RBM19: variants seen among roughly 807,000 people sequenced by gnomAD.
RBM19 encodes the protein RNA binding motif protein 19.
RBM19 carries 94 observed loss-of-function variants against 116.8 expected under a neutral mutation model. The ratio of observed to expected loss-of-function variants is 0.80; its 90% CI spans 0.68 to 0.95. The LOEUF (loss-of-function observed/expected upper bound fraction) is 0.95. Among genes scored for constraint, RBM19 ranks in the 40% least tolerant of loss-of-function variants. The probability of loss-of-function intolerance (pLI) is 0.00; values close to 1 mark genes in which losing one functional copy is unlikely to be tolerated. For missense variants in RBM19, 1,161 were observed against 1,220.7 expected (o/e 0.95, Z 0.73); for synonymous variants, 475 against 494.1 (o/e 0.96, Z 0.51).
chr12:113,910,675 C>A (rs1195933637), intron 21 of RBM19, among the ~76,000 whole-genome samples: 1 of 152,238 alleles, frequency 6.6e-6, no homozygotes, highest in African/African-American at 2.4e-5. Context: ...TAACAACAGT[C>A]TTACCATGTT....
intron 21 of RBM19, among the ~76,000 whole-genome samples, chr12:113,863,657 G>A (rs1331750147): frequency 6.6e-6 from 1 of 152,130 alleles, no homozygotes; most frequent in Non-Finnish European, 1.5e-5. Context: ...GGAGTTTGCT[G>A]GCATAACTTC....
chr12:113,910,252 A>G (rs1013534059), intron 21 of RBM19, among the ~76,000 whole-genome samples: 1 of 152,136 alleles, frequency 6.6e-6, no homozygotes, highest in Non-Finnish European at 1.5e-5. Flanking sequence ...CCGCCTGGGC[A>G]GGGAGGCAGG....
At chr12:113,841,479 A>G (rs1490722672) in intron 23 of RBM19, among the ~76,000 whole-genome samples, 2 of 140,360 alleles carry the variant, frequency 1.4e-5, no homozygotes, top group African/African-American at 5.4e-5. Context: ...GCTGGAGTGC[A>G]GTGGTGTGAT....
chr12:113,820,219 A>C (rs1874322321), downstream of RBM19, among the ~76,000 whole-genome samples: 1 of 148,644 alleles, frequency 6.7e-6, no homozygotes, highest in African/African-American at 2.5e-5. Flanking sequence ...CATAAAATAC[A>C]ATAACACTAG....
intron 21 of RBM19, among the ~76,000 whole-genome samples, chr12:113,908,955 T>TG (rs1337741434): frequency 6.6e-6 from 1 of 152,112 alleles, no homozygotes; most frequent in African/African-American, 2.4e-5. Context: ...ATTCGGGGGT[T>TG]GGGGGTCAGT....
intron 17 of RBM19, among the ~76,000 whole-genome samples, chr12:113,926,514 G>T (rs969403053): frequency 3.9e-5 from 6 of 152,134 alleles, no homozygotes; most frequent in Non-Finnish European, 8.8e-5. Context: ...CCTGATCGCT[G>T]GTCCACTTCC....
chr12:113,845,933 C>T (rs954828384), intron 22 of RBM19, among the ~76,000 whole-genome samples: 1 of 152,202 alleles, frequency 6.6e-6, no homozygotes, highest in African/African-American at 2.4e-5. Context: ...TTTCCTTATC[C>T]ATAAAACGGG....
intron 9 of RBM19, 152 bp from the exon 10 acceptor site, chr12:113,949,188 C>T (rs548974976): frequency 3.8e-5 from 27 of 712,466 alleles, no homozygotes; most frequent in Non-Finnish European, 6.1e-5. Flanking sequence ...TCACCTGAGG[C>T]GGCAGCATAA....
Position 113,903,154 on chromosome 12 carries a change from G to A in RBM19, c.2558+11815C>T, listed in dbSNP as rs1344676873. Among the ~76,000 whole-genome samples the A allele has an allele frequency of 1.3e-5, 2 of 152,160 alleles. No homozygotes were observed. The highest frequency in any genetic ancestry group is 4.8e-5 in the African/African-American group (2 of 41,432). ...CGGTATCCACAGGGGATGGGTTCCAGGACCCTCATGGGTACCAAAATCCAA... is the reference window on the plus strand; with the variant it reads ...CGGTATCCACAGGGGATGGGTTCCAAGACCCTCATGGGTACCAAAATCCAA... On this transcript the variant is annotated intron_variant, in intron 21 of 23. Transcript: ENST00000261741. The surrounding 1 kb of genome is among the most constrained non-coding windows in gnomAD (Gnocchi z 5.1).
At chr12:113,841,191 G>A (rs1284139005) in intron 23 of RBM19, among the ~76,000 whole-genome samples, 1 of 152,166 alleles carries the variant, frequency 6.6e-6, no homozygotes, top group Admixed American at 6.5e-5. Flanking sequence ...TGTACAATGG[G>A]GACAATGAAA....
intron 23 of RBM19, 135 bp downstream of exon 23, chr12:113,844,533 G>A: frequency 8.1e-7 from 1 of 1,238,720 alleles, no homozygotes; most frequent in Non-Finnish European, 1.1e-6. Context: ...GTGGGAGGAT[G>A]CCCAGCAGGA....
In RBM19 at chr12:113,884,112, C is replaced by CAAAAAAAAAAAA. The variant is rs1273858250; in HGVS notation, c.2559-25228_2559-25217dup. On this transcript the variant is annotated intron_variant, in intron 21 of 23. Coordinates refer to ENST00000261741, the MANE Select transcript of RBM19 (RefSeq NM_016196.4). Reference sequence around the variant, plus strand: ...CAACATAGGGATACTCCATCTCTACCAAAAAAAAAAAAAAACAAAAAACTC... The same window carrying CAAAAAAAAAAAA: ...CAACATAGGGATACTCCATCTCTACCAAAAAAAAAAAAAAAAAAAAAAAAAAACAAAAAACTC... Among the ~76,000 whole-genome samples, 10 of 72,018 alleles carry CAAAAAAAAAAAA rather than the reference C, an allele frequency of 1.4e-4. No individual in the cohort carries two copies. In the East Asian group the frequency reaches 2.0e-3, roughly 15 times the overall value. 47.2% of individuals were successfully genotyped at this position (72,018 alleles called of 152,430 possible).
intron 21 of RBM19, among the ~76,000 whole-genome samples, chr12:113,885,335 A>T (rs890589856): frequency 6.6e-6 from 1 of 152,236 alleles, no homozygotes; most frequent in Non-Finnish European, 1.5e-5. Context: ...GGGAACTTCT[A>T]CAAGGCAACT....
chr12:113,905,925 A>G (rs539510584), intron 21 of RBM19, among the ~76,000 whole-genome samples: 1 of 152,218 alleles, frequency 6.6e-6, no homozygotes, highest in Non-Finnish European at 1.5e-5. Flanking sequence ...CACTGTAGCC[A>G]TTATCCACCT....
chr12:113,953,010 T>A (rs956613288), intron 7 of RBM19, among the ~76,000 whole-genome samples: 1 of 152,240 alleles, frequency 6.6e-6, no homozygotes, highest in Non-Finnish European at 1.5e-5. Context: ...ATTTTCTGAA[T>A]GGTTGATACT....
intron 21 of RBM19, among the ~76,000 whole-genome samples, chr12:113,884,295 G>GTA (rs1491140479): frequency 7.8e-5 from 7 of 89,276 alleles, no homozygotes; most frequent in Non-Finnish European, 8.3e-5. Flanking sequence ...AAAAAAAAAA[G>GTA]TATACACACA....
chr12:113,860,629 C>T (rs1177906202), intron 21 of RBM19, among the ~76,000 whole-genome samples: 1 of 152,216 alleles, frequency 6.6e-6, no homozygotes, highest in African/African-American at 2.4e-5. Context: ...ACTGGGTGAG[C>T]TGGTTCCTCT....
At chr12:113,910,827 C>T (rs1431027102) in intron 21 of RBM19, among the ~76,000 whole-genome samples, 2 of 152,182 alleles carry the variant, frequency 1.3e-5, no homozygotes, top group East Asian at 3.8e-4. Context: ...AAATAAGACC[C>T]TCTCCACCAA....
chr12:113,865,216 G>A (rs531743567), intron 21 of RBM19, among the ~76,000 whole-genome samples: 1 of 152,186 alleles, frequency 6.6e-6, no homozygotes, highest in African/African-American at 2.4e-5. Flanking sequence ...CCCACCAAAC[G>A]TATGCTTACC....
Sources: allele counts gnomAD v4.1 joint callset (sites outside exome capture counted in the v4.1 genomes callset), GRCh38; gene constraint gnomAD v4.1.1; non-coding constraint Gnocchi (gnomAD v3.1); transcripts MANE v1.5; gene names NCBI Gene and HGNC (gene_info 2026-07-23, HGNC 2026-07-21).